Variants in NPY1R observed in about 807,000 individuals in gnomAD.
NPY1R encodes neuropeptide Y receptor type 1.
A neutral mutation model predicts 24.1 loss-of-function variants in NPY1R; 10 were observed. The ratio of observed to expected loss-of-function variants is 0.42; its 90% CI spans 0.26 to 0.71. The LOEUF (loss-of-function observed/expected upper bound fraction) is 0.71, where lower values mean the gene tolerates loss of function less well. Among genes scored for constraint, NPY1R ranks in the 30% least tolerant of loss-of-function variants. The pLI is 0.28. For synonymous variants in NPY1R, 168 were observed against 165.9 expected (o/e 1.01, Z -0.10); for missense variants, 350 against 458.0 (o/e 0.76, Z 2.15).
intron 1 of NPY1R, among the ~76,000 whole-genome samples, chr4:163,328,993 C>A (rs1026356965): frequency 6.6e-6 from 1 of 152,110 alleles, no homozygotes; most frequent in African/African-American, 2.4e-5. Flanking sequence ...GTAAATTAAT[C>A]CTAACATCAA....
In NPY1R at chr4:163,325,006, A is replaced by T. The variant is rs1734570784; in HGVS notation, c.*297T>A. On this transcript the variant is annotated 3_prime_UTR_variant, in exon 3 of 3. Coordinates refer to ENST00000296533, the MANE Select transcript of NPY1R (RefSeq NM_000909.6). ...TCAGTTAATAGTAATACTTTAAAGA[A>T]ATTTCATTCCAATAAGTACAGTATA... 1 of 259,400 alleles carries T rather than the reference A, an allele frequency of 3.9e-6. No homozygotes were observed. Among genetic ancestry groups the T allele is most frequent in the African/African-American group, 2.2e-5 (1 of 44,558 alleles). 16.1% of individuals were successfully genotyped at this position (259,400 alleles called of 1,614,324 possible).
chr4:163,342,403 G>A (rs150524976), intron 1 of NPY1R, among the ~76,000 whole-genome samples: 283 of 152,210 alleles, frequency 1.9e-3, no homozygotes, highest in African/African-American at 6.5e-3. Flanking sequence ...TGCATTAACC[G>A]CAGAGACAGT....
intron 1 of NPY1R, 80 bp from the exon 2 acceptor site, chr4:163,326,785 A>C: frequency 2.5e-6 from 1 of 397,808 alleles, no homozygotes; most frequent in Non-Finnish European, 4.5e-6. Context: ...AGAACTCTTT[A>C]AAGTGAAAAC....
chr4:163,326,685 CA>C lies in NPY1R; in HGVS notation c.-132del, dbSNP rs1440754077. 4.8e-6 allele frequency: 3 copies of C among 625,750 alleles called. No individual in the cohort carries two copies. The highest frequency in any genetic ancestry group is 8.3e-6 in the Non-Finnish European group (3 of 361,416). The allele number at this position is 625,750 out of a possible 1,614,324, so 38.8% of individuals were successfully genotyped here. On this transcript the variant is annotated 5_prime_UTR_variant, in exon 2 of 3. It removes an upstream start codon present in the reference 5' UTR. Transcript: ENST00000296533. Reference sequence around the variant, plus strand: ...TTTACCAAAATTATTCTGAATTCTTCATTCCCTTGAACTGAACAATCTGTAA... The same window carrying C: ...TTTACCAAAATTATTCTGAATTCTTCTTCCCTTGAACTGAACAATCTGTAA...
exon 1 of NPY1R, chr4:163,344,483 C>G (rs1735128242): frequency 6.6e-6 from 1 of 151,914 alleles, no homozygotes; most frequent in East Asian, 1.9e-4. Context: ...CGGGTCAGGG[C>G]TCAACCCTAG....
chr4:163,325,652 A>G lies in NPY1R; in HGVS notation c.806T>C (p.Val269Ala). The change falls in exon 3 of 3, where the codon GTG becomes GCG. Residue 269 changes from valine (V) to alanine (A), a missense_variant. Val to Ala is a moderately conservative substitution (Grantham distance 64, BLOSUM62 0). Coordinates refer to ENST00000296533, the MANE Select transcript of NPY1R (RefSeq NM_000909.6). ...KRINIMLLSIVVAFAVCWLPL... is the reference protein window; with the variant it reads ...KRINIMLLSIAVAFAVCWLPL... ...GAGCCAGCAGACTGCAAATGCTACCACAATGGAGAGCAGCATGATATTGAT... is the reference window on the plus strand; with the variant it reads ...GAGCCAGCAGACTGCAAATGCTACCGCAATGGAGAGCAGCATGATATTGAT... The G allele has an allele frequency of 6.2e-7, 1 of 1,608,636 alleles. No individual in the cohort carries two copies. Among genetic ancestry groups the G allele is most frequent in the Non-Finnish European group, 8.5e-7 (1 of 1,179,224 alleles).
chr4:163,336,194 A>T (rs1440952466), upstream of NPY1R, among the ~76,000 whole-genome samples: 2 of 152,196 alleles, frequency 1.3e-5, no homozygotes, highest in African/African-American at 2.4e-5. Flanking sequence ...GGGCATTTTT[A>T]AAAACTCTGT....
upstream of NPY1R, among the ~76,000 whole-genome samples, chr4:163,336,442 A>G (rs1734841792): frequency 6.6e-6 from 1 of 152,160 alleles, no homozygotes; most frequent in Non-Finnish European, 1.5e-5. Context: ...TTTTGAAGAG[A>G]CAAAATAAAA....
intron 1 of NPY1R, among the ~76,000 whole-genome samples, chr4:163,342,808 C>T (rs754193550): frequency 2.0e-5 from 3 of 152,134 alleles, no homozygotes; most frequent in Non-Finnish European, 2.9e-5. Flanking sequence ...TTCGGTTTAT[C>T]CCACACGACT....
At chr4:163,331,833 G>A (rs1196391036) in intron 1 of NPY1R, among the ~76,000 whole-genome samples, 5 of 152,232 alleles carry the variant, frequency 3.3e-5, no homozygotes, top group Admixed American at 6.5e-5. Flanking sequence ...TGTCTATCGG[G>A]GCGCAGCGCC....
chr4:163,327,251 C>CA (rs1249100790), intron 1 of NPY1R, among the ~76,000 whole-genome samples: 1 of 152,122 alleles, frequency 6.6e-6, no homozygotes, highest in Non-Finnish European at 1.5e-5. Context: ...AGTGAAACAT[C>CA]AAAAAACTTT....
intron 1 of NPY1R, among the ~76,000 whole-genome samples, chr4:163,328,945 GAT>G (rs1734668114): frequency 6.6e-6 from 1 of 152,150 alleles, no homozygotes; most frequent in South Asian, 2.1e-4. Context: ...TGTGTTGACT[GAT>G]ATAACTGATG....
At chr4:163,334,625 G>C (rs1399153770), upstream of NPY1R, among the ~76,000 whole-genome samples, 1 of 152,148 alleles carries the variant, frequency 6.6e-6, no homozygotes, top group Non-Finnish European at 1.5e-5. Context: ...ACTTTTGGAG[G>C]CCTAGGCAGG....
At chr4:163,339,710 C>T (rs948809654) in intron 1 of NPY1R, among the ~76,000 whole-genome samples, 2 of 152,138 alleles carry the variant, frequency 1.3e-5, no homozygotes, top group Admixed American at 6.5e-5. Context: ...CTACTTTATG[C>T]ATATACATTT....
intron 1 of NPY1R, among the ~76,000 whole-genome samples, chr4:163,332,208 C>G (rs1578936370): frequency 6.6e-6 from 1 of 152,184 alleles, no homozygotes; most frequent in African/African-American, 2.4e-5. Context: ...GGATCCCCAT[C>G]CAGAAATTCC....
Position 163,325,041 on chromosome 4 carries a change from A to G in NPY1R, c.*262T>C. 2.4e-6 allele frequency: 1 copy of G among 413,796 alleles called. No individual in the cohort carries two copies. Among genetic ancestry groups the G allele is most frequent in the South Asian group, 3.1e-5 (1 of 32,534 alleles). 25.6% of individuals were successfully genotyped at this position (413,796 alleles called of 1,614,324 possible). On this transcript the variant is annotated 3_prime_UTR_variant, in exon 3 of 3. Transcript: ENST00000296533. Reference sequence around the variant, plus strand: ...CAATAAGTACAGTATAAAAGTCTTTATATTATATGCATAAATTCACAAAAA... The same window carrying G: ...CAATAAGTACAGTATAAAAGTCTTTGTATTATATGCATAAATTCACAAAAA...
At chr4:163,341,127 A>G (rs914669593) in intron 1 of NPY1R, among the ~76,000 whole-genome samples, 3 of 152,032 alleles carry the variant, frequency 2.0e-5, no homozygotes, top group Non-Finnish European at 2.9e-5. Context: ...GTATTTCATA[A>G]TAAGAAGTTG....
At position 163,329,272 on chromosome 4, in the gene NPY1R, T is replaced by C. The variant is rs1026387945; in HGVS notation, c.-151-2567A>G. 5.9e-5 allele frequency among the ~76,000 whole-genome samples: 9 copies of C among 152,172 alleles called. No homozygotes were observed. In the East Asian group the frequency reaches 1.7e-3, roughly 29 times the overall value. On this transcript the variant is annotated intron_variant, in intron 1 of 2. Coordinates refer to ENST00000296533, the MANE Select transcript of NPY1R (RefSeq NM_000909.6). ...AAAATTAGTAAAAGATATAGTATGCTAGATGATAATACATATTATGAAGTA... is the reference window on the plus strand; with the variant it reads ...AAAATTAGTAAAAGATATAGTATGCCAGATGATAATACATATTATGAAGTA...
At chr4:163,336,727 A>C (rs752484716), upstream of NPY1R, among the ~76,000 whole-genome samples, 1 of 152,200 alleles carries the variant, frequency 6.6e-6, no homozygotes, top group Non-Finnish European at 1.5e-5. Flanking sequence ...TTGGGAGGTC[A>C]AGGCGGGTGG....
Sources: allele counts gnomAD v4.1 joint callset (sites outside exome capture counted in the v4.1 genomes callset), GRCh38; gene constraint gnomAD v4.1.1; transcripts MANE v1.5; gene names NCBI Gene and HGNC (gene_info 2026-07-23, HGNC 2026-07-21).